SPOCK2: variants seen among roughly 807,000 people sequenced by gnomAD.
SPOCK2 encodes SPARC (osteonectin), cwcv and kazal like domains proteoglycan 2.
Under a neutral mutation model 60.1 loss-of-function variants are expected in SPOCK2, and 39 were observed. The observed-to-expected ratio is 0.65, with a 90% confidence interval of 0.50 to 0.85. The LOEUF (loss-of-function observed/expected upper bound fraction) is 0.85, where lower values mean the gene tolerates loss of function less well. Among genes scored for constraint, SPOCK2 ranks in the 40% least tolerant of loss-of-function variants. The pLI, the probability that SPOCK2 is intolerant of heterozygous loss-of-function variation, is 0.00. For synonymous variants in SPOCK2, 217 were observed against 231.5 expected (o/e 0.94, Z 0.57); for missense variants, 523 against 567.4 (o/e 0.92, Z 0.80).
chr10:72,063,057 G>C lies in SPOCK2; in HGVS notation c.1097C>G (p.Thr366Ser), dbSNP rs537246427. Reference protein sequence around the residue: ...WCVDQLGLELTGTRTHGSPDC... With the variant: ...WCVDQLGLELSGTRTHGSPDC... ...GGGGCTCCCATGCGTGCGCGTGCCA[G>C]TCAGCTCCAGGCCCAGCTGGTCCAC... Residue 366 changes from threonine to serine, a missense_variant, in exon 10 of 11, where the codon ACT (threonine) becomes AGT (serine). Coordinates refer to ENST00000373109, the MANE Select transcript of SPOCK2 (RefSeq NM_001244950.2). 1.9e-6 allele frequency: 3 copies of C among 1,553,506 alleles called. No individual in the cohort carries two copies. Among genetic ancestry groups the C allele is most frequent in the Admixed American group, 2.0e-5 (1 of 51,270 alleles).
At chr10:72,074,185 A>C (rs1840685313) in intron 1 of SPOCK2, among the ~76,000 whole-genome samples, 1 of 152,204 alleles carries the variant, frequency 6.6e-6, no homozygotes, top group Non-Finnish European at 1.5e-5. Flanking sequence ...AGCAGTGGGC[A>C]CACAGAAGGG....
rs1564545024 is a variant in SPOCK2, at chr10:72,063,205, G to A, written c.992-43C>T. On this transcript the variant is annotated intron_variant, in intron 9 of 10. Transcript: ENST00000373109. ...AGGCAGGGTCAGAGCAGGGGCCCAG[G>A]CTGTGGGCCCCTCAGAGAGGTGACC... 12 of 1,550,006 alleles carry A rather than the reference G, an allele frequency of 7.7e-6. No individual in the cohort carries two copies. In the South Asian group the frequency reaches 1.3e-4, roughly 17 times the overall value.
Position 72,062,580 on chromosome 10 carries a change from C to A in SPOCK2, c.*180G>T. On this transcript the variant is annotated 3_prime_UTR_variant, in exon 11 of 11. Coordinates refer to ENST00000373109, the MANE Select transcript of SPOCK2 (RefSeq NM_001244950.2). The surrounding 1 kb of genome is among the most constrained non-coding windows in gnomAD (Gnocchi z 4.3). ...ACACACATGCATGCACACATGCACT[C>A]ACACTGTCACCCGTCCCAGCCATCT... 8.3e-7 allele frequency: 1 copy of A among 1,210,482 alleles called. No individual in the cohort carries two copies. Among genetic ancestry groups the A allele is most frequent in the Non-Finnish European group, 1.1e-6 (1 of 872,638 alleles). The allele number at this position is 1,210,482 out of a possible 1,614,324, so 75.0% of individuals were successfully genotyped here.
chr10:72,063,705 G>A (rs533123533), intron 9 of SPOCK2, among the ~76,000 whole-genome samples: 1 of 152,318 alleles, frequency 6.6e-6, no homozygotes, highest in East Asian at 1.9e-4. Context: ...TTCCGGACTG[G>A]CCCGAGCTAA....
chr10:72,087,196 C>T lies in SPOCK2; in HGVS notation c.189+944G>A, dbSNP rs981600928. On this transcript the variant is annotated intron_variant, in intron 1 of 10. Transcript: ENST00000373109. This position sits in a 1 kb window ranked among gnomAD's most constrained non-coding sequence, Gnocchi z 4.7. ...CCTGCTTCCCCAGCCCCCAACCCGG[C>T]CCGGCCGAGAGGAAGGAGCCAGCCC... 4.6e-5 allele frequency among the ~76,000 whole-genome samples: 7 copies of T among 151,986 alleles called. No homozygotes were observed. The highest frequency in any genetic ancestry group is 1.7e-4 in the African/African-American group (7 of 41,408).
chr10:72,066,330 A>G (rs922312292), intron 8 of SPOCK2, among the ~76,000 whole-genome samples: 3 of 149,312 alleles, frequency 2.0e-5, no homozygotes, highest in African/African-American at 7.5e-5. Context: ...TATTTTTCAT[A>G]TTCTTTCTTT....
At chr10:72,074,770 TC>T (rs981230026) in intron 1 of SPOCK2, among the ~76,000 whole-genome samples, 35 of 152,168 alleles carry the variant, frequency 2.3e-4, no homozygotes, top group African/African-American at 8.2e-4. Flanking sequence ...GGCGGCTCTC[TC>T]CCTCTCTCTC....
Position 72,088,295 on chromosome 10 carries a change from G to GC in SPOCK2, c.33dup (p.Pro12AlafsTer57). On this transcript the variant is annotated frameshift_variant, in exon 1 of 11. Transcript: ENST00000373109. LOFTEE classifies it high-confidence loss of function. ...GCTGCCGCGGCCAGGAGCAGCAGCG[G>GC]CAGCACCAGCCGCCCGCAGCCCGGG... The GC allele has an allele frequency of 6.3e-7, 1 of 1,596,238 alleles. No individual in the cohort carries two copies. Among genetic ancestry groups the GC allele is most frequent in the Non-Finnish European group, 8.5e-7 (1 of 1,172,874 alleles).
chr10:72,070,112 T>C, intron 5 of SPOCK2, 200 bp downstream of exon 5: 1 of 555,302 alleles, frequency 1.8e-6, no homozygotes, highest in Non-Finnish European at 3.2e-6. Flanking sequence ...AGACAGGGTC[T>C]GGCTCCAACT....
rs1359596069 is a variant in SPOCK2, at chr10:72,087,301, C to G, written c.189+839G>C. Among the ~76,000 whole-genome samples, 3 of 152,178 alleles carry G rather than the reference C, an allele frequency of 2.0e-5. No homozygotes were observed. Among genetic ancestry groups the G allele is most frequent in the Non-Finnish European group, 4.4e-5 (3 of 68,034 alleles). ...AGTGCCGCAGCTACCCCCCCGCCCC[C>G]ACCCCGCGGAGTTCGGCCCAAGGTT... On this transcript the variant is annotated intron_variant, in intron 1 of 10. Coordinates refer to ENST00000373109, the MANE Select transcript of SPOCK2 (RefSeq NM_001244950.2). The surrounding 1 kb of genome is among the most constrained non-coding windows in gnomAD (Gnocchi z 4.7).
chr10:72,078,566 A>G (rs1384166317), intron 1 of SPOCK2, among the ~76,000 whole-genome samples: 1 of 151,888 alleles, frequency 6.6e-6, no homozygotes, highest in Non-Finnish European at 1.5e-5. Flanking sequence ...ATAATAAAAA[A>G]TATAATAAGT....
intron 1 of SPOCK2, among the ~76,000 whole-genome samples, chr10:72,081,960 G>T (rs940537383): frequency 2.0e-5 from 3 of 152,166 alleles, no homozygotes; most frequent in Non-Finnish European, 4.4e-5. Context: ...AGCACCTACT[G>T]TGTGCCAAAC....
rs201654674 is a variant in SPOCK2 at position 72,062,735 on chromosome 10, C to T, written c.*25G>A. 33 of 1,589,244 alleles carry T rather than the reference C, an allele frequency of 2.1e-5. No homozygotes were observed. In the Admixed American group the frequency reaches 2.2e-4, roughly 10 times the overall value. ...CTCAGAGCTCTGCTGTTGAGTCCCC[C>T]CCGGCAGCCGGCTCCTGAGGGCGTC... On this transcript the variant is annotated 3_prime_UTR_variant, in exon 11 of 11. Transcript: ENST00000373109. The surrounding 1 kb of genome is among the most constrained non-coding windows in gnomAD (Gnocchi z 4.3).
chr10:72,079,916 C>A (rs1840761212), intron 1 of SPOCK2, among the ~76,000 whole-genome samples: 1 of 152,036 alleles, frequency 6.6e-6, no homozygotes. Flanking sequence ...GACTGGCTTC[C>A]TTGGCTGTAA....
Position 72,062,650 on chromosome 10 carries a change from G to A in SPOCK2, c.*110C>T. 2 of 1,509,000 alleles carry A rather than the reference G, an allele frequency of 1.3e-6. No homozygotes were observed. The highest frequency in any genetic ancestry group is 1.8e-6 in the Non-Finnish European group (2 of 1,137,672). The allele number at this position is 1,509,000 out of a possible 1,614,324, so 93.5% of individuals were successfully genotyped here. A position where few individuals can be genotyped will look rare whatever the true frequency, so the allele number is the denominator to read the frequency against. On this transcript the variant is annotated 3_prime_UTR_variant, in exon 11 of 11. Transcript: ENST00000373109. This position sits in a 1 kb window ranked among gnomAD's most constrained non-coding sequence, Gnocchi z 4.3. ...CACACTCACACTCCCAGTCCCCCCA[G>A]GTGGAGCAGGGTCCTTCTGACTGCA...
Position 72,060,358 on chromosome 10 carries a change from A to T in SPOCK2, c.*2402T>A, listed in dbSNP as rs1840475218. ...TCCTAAAACATATTTACAAGGACAC[A>T]CAAACGTGCACAGCCAGAAGACCCA... On this transcript the variant is annotated 3_prime_UTR_variant, in exon 11 of 11. Transcript: ENST00000373109. The T allele has an allele frequency of 6.6e-6, 1 of 152,266 alleles. No individual in the cohort carries two copies. Among genetic ancestry groups the T allele is most frequent in the African/African-American group, 2.4e-5 (1 of 41,416 alleles). The allele number at this position is 152,266 out of a possible 1,614,324, so 9.4% of individuals were successfully genotyped here.
Position 72,064,213 on chromosome 10 carries a change from C to T in SPOCK2, c.956G>A (p.Arg319His), listed in dbSNP as rs41304635. 96 of 1,607,894 alleles carry T rather than the reference C, an allele frequency of 6.0e-5. No individual in the cohort carries two copies. Among genetic ancestry groups the T allele is most frequent in the Non-Finnish European group, 7.4e-5 (87 of 1,177,946 alleles). ...CTTGGCGGCCTCCTGGATCTGGATG[C>T]GCTCCAGCTCTGCCAGGCAGGGGGG... Reference protein sequence around the residue: ...EKPPCLAELERIQIQEAAKKK... With the variant: ...EKPPCLAELEHIQIQEAAKKK... The change falls in exon 9 of 11, where the codon CGC becomes CAC. Residue 319 changes from arginine to histidine, a missense_variant. Arg to His is a conservative substitution (Grantham distance 29). Coordinates refer to ENST00000373109, the MANE Select transcript of SPOCK2 (RefSeq NM_001244950.2).
At chr10:72,072,072 G>A (rs1462606851) in intron 4 of SPOCK2, 72 bp downstream of exon 4, 1 of 1,247,564 alleles carries the variant, frequency 8.0e-7, no homozygotes, top group Non-Finnish European at 1.1e-6. Context: ...TAATTCATAA[G>A]GAGAGGGTCA....
At chr10:72,086,896 A>G (rs1840863373) in intron 1 of SPOCK2, 3 of 1,551,398 alleles carry the variant, frequency 1.9e-6, no homozygotes, top group East Asian at 2.4e-5. Context: ...GTTTTAAACA[A>G]ATTTCCAAGG....
Sources: gnomAD v4.1 joint callset for allele counts (sites outside exome capture counted in the v4.1 genomes callset) on GRCh38, gnomAD v4.1.1 for gene constraint, Gnocchi (gnomAD v3.1) non-coding constraint, MANE v1.5 for transcripts, NCBI Gene and HGNC (gene_info 2026-07-23, HGNC 2026-07-21) for gene names.